CMTM6: variants seen among roughly 807,000 people sequenced by gnomAD.
CMTM6 encodes the protein CKLF-like MARVEL transmembrane domain-containing protein 6.
CMTM6 carries 5 observed loss-of-function variants against 13.6 expected under a neutral mutation model. The ratio of observed to expected loss-of-function variants is 0.37; its 90% CI spans 0.19 to 0.77. The LOEUF is 0.77. Ranked by LOEUF, CMTM6 falls within the 30% of genes least tolerant of loss-of-function variation. CMTM6 has a pLI of 0.50. For synonymous variants in CMTM6, 99 were observed against 84.5 expected, an observed-to-expected ratio of 1.17 and a Z score of -0.94; for missense variants, 196 against 218.6, an observed-to-expected ratio of 0.90 and a Z score of 0.65.
intron 3 of CMTM6, among the ~76,000 whole-genome samples, chr3:32,485,746 A>C (rs952264471): frequency 6.6e-6 from 1 of 152,242 alleles, no homozygotes; most frequent in Non-Finnish European, 1.5e-5. Context: ...TACACATGTA[A>C]GTGCTAAGAA....
In CMTM6 at chr3:32,491,735, ACT is replaced by A; in HGVS notation, c.288_289del (p.Arg96SerfsTer2). On this transcript the variant is annotated frameshift_variant, in exon 2 of 4. Coordinates refer to ENST00000205636, the MANE Select transcript of CMTM6 (RefSeq NM_017801.3). LOFTEE classifies it high-confidence loss of function. ...CGATGATTTTACTTTTGTGGTATCA[ACT>A]CTCTCATAAAATGGAGTGCAATACA... is the stretch of plus-strand genomic sequence containing the variant. 5.0e-6 allele frequency: 8 copies of A among 1,602,208 alleles called. No individual in the cohort carries two copies. Among genetic ancestry groups the A allele is most frequent in the Non-Finnish European group, 6.8e-6 (8 of 1,175,200 alleles).
intron 3 of CMTM6, among the ~76,000 whole-genome samples, chr3:32,486,712 G>A (rs1418383849): frequency 1.3e-5 from 2 of 152,090 alleles, no homozygotes; most frequent in Non-Finnish European, 2.9e-5. Context: ...GCTTGGGTTT[G>A]TGTCCCCACC....
At chr3:32,491,618 T>C in intron 2 of CMTM6, 92 bp downstream of exon 2, 1 of 1,144,488 alleles carries the variant, frequency 8.7e-7, no homozygotes, top group East Asian at 2.5e-5. Context: ...TTCATGTTGC[T>C]GAGTTTTGAA....
Position 32,482,553 on chromosome 3 carries a change from C to G in CMTM6, c.*1407G>C, listed in dbSNP as rs775973410. ...AGGAGGAGGATAAGAAAGGTCTAGT[C>G]TGTGAATCACCTGGACAGAAAGGTC... On this transcript the variant is annotated 3_prime_UTR_variant, in exon 4 of 4. Transcript: ENST00000205636. 11 of 152,082 alleles carry G rather than the reference C, an allele frequency of 7.2e-5. No individual in the cohort carries two copies. The highest frequency in any genetic ancestry group is 2.6e-4 in the Admixed American group (4 of 15,262). 9.4% of individuals were successfully genotyped at this position (152,082 alleles called of 1,614,324 possible). A position where few individuals can be genotyped will look rare whatever the true frequency, so the allele number is the denominator to read the frequency against.
In CMTM6 at chr3:32,487,975, G is replaced by T; in HGVS notation, c.377C>A (p.Ser126Tyr). 6.2e-7 allele frequency: 1 copy of T among 1,613,738 alleles called. No individual in the cohort carries two copies. The highest frequency in any genetic ancestry group is 8.5e-7 in the Non-Finnish European group (1 of 1,179,782). The stretch of plus-strand genomic sequence containing the variant: ...CTCAGCTGAAGTCCTGTCATGTGTG[G>T]AAACAAAAATGATGGATGCCAACAA... Reference protein sequence around the residue: ...VFLLASIIFVSTHDRTSAEIA... With the variant: ...VFLLASIIFVYTHDRTSAEIA... Residue 126 changes from serine (S) to tyrosine (Y), a missense_variant, in exon 3 of 4, where the codon TCC becomes TAC. Transcript: ENST00000205636.
intron 3 of CMTM6, among the ~76,000 whole-genome samples, chr3:32,484,751 C>T (rs1203096561): frequency 6.6e-6 from 1 of 152,100 alleles, no homozygotes; most frequent in Admixed American, 6.5e-5. Context: ...ACTAGCAAAA[C>T]CCTTAAGGAT....
chr3:32,497,440 TC>T (rs1467887347), intron 1 of CMTM6, among the ~76,000 whole-genome samples: 2 of 147,460 alleles, frequency 1.4e-5, no homozygotes, highest in Non-Finnish European at 3.0e-5. Context: ...GTAAACATAC[TC>T]CAAACTGTTA....
intron 1 of CMTM6, among the ~76,000 whole-genome samples, chr3:32,501,281 G>A (rs1037328187): frequency 6.6e-6 from 1 of 151,472 alleles, no homozygotes; most frequent in African/African-American, 2.4e-5. Flanking sequence ...TTACTGCAGA[G>A]AAATACAGCT....
At chr3:32,499,971 A>G (rs984031620) in intron 1 of CMTM6, among the ~76,000 whole-genome samples, 1 of 151,842 alleles carries the variant, frequency 6.6e-6, no homozygotes, top group African/African-American at 2.4e-5. Context: ...GAAGACTCTA[A>G]TGTAAGAATT....
chr3:32,501,537 G>A (rs1441003536), intron 1 of CMTM6, among the ~76,000 whole-genome samples: 2 of 152,156 alleles, frequency 1.3e-5, no homozygotes, highest in African/African-American at 4.8e-5. Context: ...ATCAGCAGAT[G>A]TGATCATTTT....
At chr3:32,493,143 G>A (rs1245419438) in intron 1 of CMTM6, among the ~76,000 whole-genome samples, 1 of 152,170 alleles carries the variant, frequency 6.6e-6, no homozygotes, top group Non-Finnish European at 1.5e-5. Context: ...TTAACTGTAT[G>A]GCCATAAAAG....
intron 2 of CMTM6, among the ~76,000 whole-genome samples, chr3:32,489,875 T>A (rs1697236332): frequency 6.6e-6 from 1 of 152,120 alleles, no homozygotes. Context: ...TCTACCTGAG[T>A]TCAAATCTGA....
intron 1 of CMTM6, among the ~76,000 whole-genome samples, chr3:32,501,155 C>T (rs1410501582): frequency 1.3e-5 from 2 of 150,400 alleles, no homozygotes; most frequent in African/African-American, 4.9e-5. Context: ...GCGCCACTGC[C>T]CCCAGCCTTG....
intron 1 of CMTM6, among the ~76,000 whole-genome samples, chr3:32,497,517 A>AT (rs746833948): frequency 0.065 from 9,309 of 143,226 alleles, 511 homozygotes; most frequent in African/African-American, 0.15. Context: ...TTTTTAGTTG[A>AT]TTTTTTTTTT....
chr3:32,490,110 G>A (rs1241007547), intron 2 of CMTM6, among the ~76,000 whole-genome samples: 2 of 152,168 alleles, frequency 1.3e-5, no homozygotes, highest in African/African-American at 4.8e-5. Context: ...GCTGGGTGTG[G>A]TGGCACACGC....
Position 32,493,632 on chromosome 3 carries a change from T to C in CMTM6, c.139-1746A>G, listed in dbSNP as rs1302920443. 4.6e-5 allele frequency among the ~76,000 whole-genome samples: 7 copies of C among 152,080 alleles called. 1 individual carries two copies. The East Asian group carries it at 1.3e-3, about 29-fold the overall frequency. ...ATGACTCAAATGAGGAAAGATAGCCTTATGTGGAAATCTGAGGAATCTGAA... is the reference window on the plus strand; with the variant it reads ...ATGACTCAAATGAGGAAAGATAGCCCTATGTGGAAATCTGAGGAATCTGAA... On this transcript the variant is annotated intron_variant, in intron 1 of 3. Coordinates refer to ENST00000205636, the MANE Select transcript of CMTM6 (RefSeq NM_017801.3).
chr3:32,500,961 C>A (rs1255470988), intron 1 of CMTM6, among the ~76,000 whole-genome samples: 1 of 150,492 alleles, frequency 6.6e-6, no homozygotes, highest in African/African-American at 2.4e-5. Context: ...TTGGGAGGCC[C>A]GGAGGGCGAA....
chr3:32,498,581 A>G (rs1697315722), intron 1 of CMTM6, among the ~76,000 whole-genome samples: 1 of 146,110 alleles, frequency 6.8e-6, no homozygotes, highest in Non-Finnish European at 1.5e-5. Flanking sequence ...TCTCCATTTC[A>G]GTTTCACTAC....
chr3:32,483,001 A>T lies in CMTM6; in HGVS notation c.*959T>A, dbSNP rs955612422. 2 of 152,666 alleles carry T rather than the reference A, an allele frequency of 1.3e-5. No individual in the cohort carries two copies. Among genetic ancestry groups the T allele is most frequent in the African/African-American group, 2.4e-5 (1 of 41,452 alleles). 9.5% of individuals were successfully genotyped at this position (152,666 alleles called of 1,614,324 possible). The stretch of plus-strand genomic sequence containing the variant: ...TAAAAAAAACAGATTGGCTTCAAAG[A>T]AAACACTAAGGAAGACCCACAGAGC... On this transcript the variant is annotated 3_prime_UTR_variant, in exon 4 of 4. Transcript: ENST00000205636.
Sources: allele counts gnomAD v4.1 joint callset (sites outside exome capture counted in the v4.1 genomes callset), GRCh38; gene constraint gnomAD v4.1.1; transcripts MANE v1.5; gene names NCBI Gene and HGNC (gene_info 2026-07-23, HGNC 2026-07-21).